The following HSBP1L1 variants were observed in gnomAD, a reference collection of about 807,000 sequenced individuals.
The protein encoded by HSBP1L1 is heat shock factor-binding protein 1-like protein 1.
In HSBP1L1, 8 loss-of-function variants were observed where a neutral mutation model predicts 9.7. That is an observed-to-expected ratio of 0.82 (90% confidence interval 0.48 to 1.48). The LOEUF (loss-of-function observed/expected upper bound fraction) is 1.48, where lower values mean the gene tolerates loss of function less well. Among genes scored for constraint, HSBP1L1 ranks in the 40% most tolerant of loss-of-function variants. The pLI is 0.00. For synonymous variants in HSBP1L1, 39 were observed against 34.4 expected (o/e 1.13, Z -0.46); for missense variants, 106 against 95.8 (o/e 1.11, Z -0.44).
intron 1 of HSBP1L1, among the ~76,000 whole-genome samples, chr18:79,966,133 T>A (rs898175037): frequency 9.9e-5 from 15 of 152,070 alleles, no homozygotes; most frequent in African/African-American, 3.6e-4. Context: ...GGGTTTCACC[T>A]AGTTTGCCAG....
chr18:79,968,217 C>G (rs539812759), intron 3 of HSBP1L1, 34 bp downstream of exon 3: 2 of 1,315,146 alleles, frequency 1.5e-6, no homozygotes, highest in East Asian at 5.0e-5. Context: ...CAACCGTTTT[C>G]GTATGTTTTG....
chr18:79,970,244 C>A (rs945784538), intron 3 of HSBP1L1, 196 bp from the exon 4 acceptor site: 28 of 514,078 alleles, frequency 5.4e-5, no homozygotes, highest in Admixed American at 8.9e-5. Context: ...AAATTGCTTG[C>A]AAAGCACTTA....
intron 3 of HSBP1L1, among the ~76,000 whole-genome samples, chr18:79,969,400 A>AAAAAAAAAC (rs201355227): frequency 2.0e-5 from 3 of 147,996 alleles, no homozygotes; most frequent in African/African-American, 7.8e-5. Flanking sequence ...AGAAAAAAAA[A>AAAAAAAAAC]CGATGCAGAA....
Position 79,964,682 on chromosome 18 carries a change from C to T in HSBP1L1, c.-54C>T. ...GAGCTTAGCTGTCGCCACCTCGCGCCGGGTCCGCGCGGCCCACGGGACCCC... is the reference window on the plus strand; with the variant it reads ...GAGCTTAGCTGTCGCCACCTCGCGCTGGGTCCGCGCGGCCCACGGGACCCC... On this transcript the variant is annotated 5_prime_UTR_variant, in exon 1 of 4. Transcript: ENST00000451882. 1 of 1,110,662 alleles carries T rather than the reference C, an allele frequency of 9.0e-7. No homozygotes were observed. Among genetic ancestry groups the T allele is most frequent in the Non-Finnish European group, 1.2e-6 (1 of 814,122 alleles). 68.8% of individuals were successfully genotyped at this position (1,110,662 alleles called of 1,614,324 possible). A position where few individuals can be genotyped will look rare whatever the true frequency, so the allele number is the denominator to read the frequency against.
chr18:79,967,143 G>A (rs771975265), intron 2 of HSBP1L1, among the ~76,000 whole-genome samples: 16 of 80,354 alleles, frequency 2.0e-4, no homozygotes, highest in African/African-American at 4.2e-4. Flanking sequence ...GCGAGACTCC[G>A]TCTCAAAAAA....
intron 3 of HSBP1L1, among the ~76,000 whole-genome samples, chr18:79,968,603 C>T (rs978709042): frequency 5.9e-5 from 9 of 151,736 alleles, no homozygotes; most frequent in Middle Eastern, 3.2e-3. Flanking sequence ...CAATTACAGG[C>T]GTGAGCCACC....
At chr18:79,967,023 C>T (rs1383039872) in intron 2 of HSBP1L1, 1 of 179,896 alleles carries the variant, frequency 5.6e-6, no homozygotes, top group Non-Finnish European at 1.2e-5. Context: ...TGGCGGGCGC[C>T]TGTAGTCCCA....
At chr18:79,969,332 A>AAAG (rs1230512129) in intron 3 of HSBP1L1, among the ~76,000 whole-genome samples, 2 of 7,216 alleles carry the variant, frequency 2.8e-4, no homozygotes, top group African/African-American at 3.9e-4. Context: ...AAAGAAAGAA[A>AAAG]AAGAAAGAAA....
intron 3 of HSBP1L1, among the ~76,000 whole-genome samples, chr18:79,969,551 G>C (rs2051283924): frequency 1.3e-5 from 2 of 152,238 alleles, no homozygotes; most frequent in Non-Finnish European, 2.9e-5. Flanking sequence ...TGTTCAGGTA[G>C]GCAGAGATGG....
chr18:79,969,167 C>T (rs1293542439), intron 3 of HSBP1L1, among the ~76,000 whole-genome samples: 2 of 140,612 alleles, frequency 1.4e-5, no homozygotes, highest in East Asian at 2.1e-4. Context: ...CCAGCCTGGG[C>T]GACAGAGCGA....
Position 79,970,592 on chromosome 18 carries a change from C to T in HSBP1L1, c.*141C>T, listed in dbSNP as rs899887539. The T allele has an allele frequency of 1.6e-6, 1 of 643,654 alleles. No individual in the cohort carries two copies. Among genetic ancestry groups the T allele is most frequent in the Admixed American group, 2.2e-5 (1 of 44,964 alleles). 39.9% of individuals were successfully genotyped at this position (643,654 alleles called of 1,614,324 possible). A position where few individuals can be genotyped will look rare whatever the true frequency, so the allele number is the denominator to read the frequency against. Reference sequence around the variant, plus strand: ...GGGCTCGCCTGCTCTCCCCTCCGTGCCTGCACCAGAGAAGGAGGCCATCGG... The same window carrying T: ...GGGCTCGCCTGCTCTCCCCTCCGTGTCTGCACCAGAGAAGGAGGCCATCGG... On this transcript the variant is annotated 3_prime_UTR_variant, in exon 4 of 4. Transcript: ENST00000451882.
At chr18:79,968,012 G>A (rs969055334) in intron 2 of HSBP1L1, 77 bp from the exon 3 acceptor site, 5 of 782,430 alleles carry the variant, frequency 6.4e-6, no homozygotes, top group Admixed American at 2.9e-5. Context: ...CATGGGAGGC[G>A]GAGTCTCTGA....
intron 1 of HSBP1L1, among the ~76,000 whole-genome samples, chr18:79,966,235 C>A (rs994991934): frequency 1.3e-5 from 2 of 151,722 alleles, no homozygotes; most frequent in Non-Finnish European, 2.9e-5. Flanking sequence ...CCGGCCTTAT[C>A]CCATGATATT....
Position 79,964,744 on chromosome 18 carries a change from G to A in HSBP1L1, c.9G>A (p.Val3=). 7.0e-7 allele frequency: 1 copy of A among 1,423,414 alleles called. No individual in the cohort carries two copies. Among genetic ancestry groups the A allele is most frequent in the Non-Finnish European group, 9.2e-7 (1 of 1,090,966 alleles). 88.2% of individuals were successfully genotyped at this position (1,423,414 alleles called of 1,614,324 possible). The change falls in exon 1 of 4, where the codon GTG becomes GTA. Residue 3 remains valine, a synonymous_variant. Coordinates refer to ENST00000451882, the MANE Select transcript of HSBP1L1 (RefSeq NM_001136180.2). MD[V]RGPEAPGGRA... ...CCCGGCCAGCGGTCCACATGGACGTGCGGGGCCCTGAAGCCCCCGGCGGGC... is the reference window on the plus strand; with the variant it reads ...CCCGGCCAGCGGTCCACATGGACGTACGGGGCCCTGAAGCCCCCGGCGGGC...
intron 3 of HSBP1L1, 166 bp from the exon 4 acceptor site, chr18:79,970,274 G>A: frequency 1.7e-6 from 1 of 601,786 alleles, no homozygotes; most frequent in Non-Finnish European, 3.1e-6. Context: ...AAGGTAGACA[G>A]CAGGTACATA....
intron 1 of HSBP1L1, among the ~76,000 whole-genome samples, chr18:79,966,390 A>G (rs1697207298): frequency 6.6e-6 from 1 of 152,154 alleles, no homozygotes; most frequent in African/African-American, 2.4e-5. Flanking sequence ...CTGAAAGTAT[A>G]AACATTAGCT....
At chr18:79,965,522 G>A (rs1331344445) in intron 1 of HSBP1L1, among the ~76,000 whole-genome samples, 3 of 152,142 alleles carry the variant, frequency 2.0e-5, no homozygotes, top group African/African-American at 4.8e-5. Flanking sequence ...CCCTGGACAC[G>A]GTCGCAGGGT....
At position 79,964,761 on chromosome 18, in the gene HSBP1L1, C is replaced by A. The variant is rs1376530790; in HGVS notation, c.26C>A (p.Pro9His). Reference protein sequence around the residue: MDVRGPEAPGGRALRDAAE... With the variant: MDVRGPEAHGGRALRDAAE... ...ATGGACGTGCGGGGCCCTGAAGCCC[C>A]CGGCGGGCGCGCGCTGCGGGACGCG... The change falls in exon 1 of 4, where the codon CCC becomes CAC. Residue 9 changes from proline to histidine, a missense_variant. Pro to His is a moderately conservative substitution (Grantham distance 77, BLOSUM62 -2). Transcript: ENST00000451882. 1 of 1,412,100 alleles carries A rather than the reference C, an allele frequency of 7.1e-7. No homozygotes were observed. Among genetic ancestry groups the A allele is most frequent in the South Asian group, 1.4e-5 (1 of 69,186 alleles). The allele number at this position is 1,412,100 out of a possible 1,614,324, so 87.5% of individuals were successfully genotyped here.
At chr18:79,968,229 C>T in intron 3 of HSBP1L1, 46 bp downstream of exon 3, 1 of 1,105,094 alleles carries the variant, frequency 9.0e-7, no homozygotes, top group South Asian at 1.4e-5. Context: ...TATGTTTTGA[C>T]TGCTTTCATC....
Sources: allele counts gnomAD v4.1 joint callset (sites outside exome capture counted in the v4.1 genomes callset), GRCh38; gene constraint gnomAD v4.1.1; transcripts MANE v1.5; gene names NCBI Gene and HGNC (gene_info 2026-07-23, HGNC 2026-07-21).